The following CLVS2 variants were observed in gnomAD, a reference collection of about 807,000 sequenced individuals.
The protein encoded by CLVS2 is clavesin 2.
Under a neutral mutation model 29.0 loss-of-function variants are expected in CLVS2, and 19 were observed. The observed-to-expected ratio is 0.66, with a 90% CI of 0.46 to 0.96. The LOEUF (loss-of-function observed/expected upper bound fraction) is 0.96, where lower values mean the gene tolerates loss of function less well. Among genes scored for constraint, CLVS2 ranks in the 40% least tolerant of loss-of-function variants. The pLI, the probability that CLVS2 is intolerant of heterozygous loss-of-function variation, is 0.00. For missense variants in CLVS2, 294 were observed against 404.1 expected (o/e 0.73, Z 2.34); for synonymous variants, 161 against 151.3 (o/e 1.06, Z -0.47).
intron 3 of CLVS2, among the ~76,000 whole-genome samples, chr6:123,024,963 A>G (rs1774980600): frequency 6.6e-6 from 1 of 152,128 alleles, no homozygotes; most frequent in Admixed American, 6.6e-5. Context: ...AGCTATCCCA[A>G]TATACGCCTA....
intron 3 of CLVS2, among the ~76,000 whole-genome samples, chr6:123,041,451 A>T (rs1775233902): frequency 6.6e-6 from 1 of 152,126 alleles, no homozygotes; most frequent in South Asian, 2.1e-4. Flanking sequence ...CTTGGGCATT[A>T]TCTCTAATTA....
intron 4 of CLVS2, among the ~76,000 whole-genome samples, chr6:123,051,981 CAG>C (rs1346965567): frequency 6.6e-6 from 1 of 152,098 alleles, no homozygotes; most frequent in East Asian, 1.9e-4. Context: ...CTGCCTGGTC[CAG>C]AGATGCAATT....
chr6:123,051,019 A>G (rs966025491), intron 4 of CLVS2, among the ~76,000 whole-genome samples: 2 of 152,178 alleles, frequency 1.3e-5, no homozygotes, highest in African/African-American at 4.8e-5. Context: ...ATATGAGAAA[A>G]TAATTATATA....
In CLVS2 at chr6:123,071,969, A is replaced by G. The variant is rs1470234082; in HGVS notation, c.*8208A>G. The G allele has an allele frequency of 3.9e-5, 6 of 152,038 alleles. No homozygotes were observed. The highest frequency in any genetic ancestry group is 8.8e-5 in the Non-Finnish European group (6 of 67,952). The allele number at this position is 152,038 out of a possible 1,614,324, so 9.4% of individuals were successfully genotyped here. On this transcript the variant is annotated 3_prime_UTR_variant, in exon 6 of 6. Transcript: ENST00000275162. ...TTTCAGCTATCATTTTTAGAGCCTT[A>G]CAGTCACAATTGTTCTTAACTATCC...
At chr6:123,003,040 A>G (rs565054978) in intron 2 of CLVS2, among the ~76,000 whole-genome samples, 1 of 152,322 alleles carries the variant, frequency 6.6e-6, no homozygotes, top group Non-Finnish European at 1.5e-5. Flanking sequence ...ATATCATGGC[A>G]AATAGGGGAG....
intron 2 of CLVS2, among the ~76,000 whole-genome samples, chr6:122,999,668 A>C (rs11154135): frequency 0.13 from 19,104 of 152,184 alleles, 1,638 homozygotes; most frequent in Non-Finnish European, 0.19. Context: ...AGAACTGAAA[A>C]ATTTTATTCA....
At chr6:123,062,480 T>C (rs1772793091) in intron 5 of CLVS2, among the ~76,000 whole-genome samples, 1 of 152,000 alleles carries the variant, frequency 6.6e-6, no homozygotes, top group Non-Finnish European at 1.5e-5. Flanking sequence ...CTTTAGCAAG[T>C]CTTTTTTTTC....
intron 3 of CLVS2, among the ~76,000 whole-genome samples, chr6:123,047,979 G>A (rs1455148226): frequency 6.6e-6 from 1 of 152,148 alleles, no homozygotes; most frequent in African/African-American, 2.4e-5. Context: ...TCCTCCTGTG[G>A]AGTGAGATCA....
intron 3 of CLVS2, among the ~76,000 whole-genome samples, chr6:123,017,778 T>G (rs571887945): frequency 7.6e-4 from 116 of 152,250 alleles, no homozygotes; most frequent in African/African-American, 2.8e-3. Context: ...TCTGTACATA[T>G]GCCTATGTAT....
chr6:123,034,272 G>A (rs922973483), intron 3 of CLVS2, among the ~76,000 whole-genome samples: 1 of 152,068 alleles, frequency 6.6e-6, no homozygotes, highest in Non-Finnish European at 1.5e-5. Flanking sequence ...ATTTATAGTG[G>A]CTTCATTCAT....
At chr6:123,023,647 C>T (rs6908501) in intron 3 of CLVS2, among the ~76,000 whole-genome samples, 112,731 of 151,954 alleles carry the variant, frequency 0.74, 42,305 homozygotes, top group East Asian at 0.92. Context: ...AGGAAAATCA[C>T]ATTTTGATTA....
At chr6:122,999,211 C>A (rs935473702) in intron 2 of CLVS2, among the ~76,000 whole-genome samples, 3 of 152,190 alleles carry the variant, frequency 2.0e-5, no homozygotes, top group South Asian at 2.1e-4. Flanking sequence ...TAGTTTAAAT[C>A]ATCTCTGGAG....
chr6:123,004,785 C>T (rs886113076), intron 2 of CLVS2, among the ~76,000 whole-genome samples: 1 of 151,960 alleles, frequency 6.6e-6, no homozygotes, highest in Non-Finnish European at 1.5e-5. Context: ...TGGTGGCGGG[C>T]GCCTGTAATC....
At chr6:123,063,087 A>G (rs1373855573) in intron 5 of CLVS2, among the ~76,000 whole-genome samples, 1 of 152,240 alleles carries the variant, frequency 6.6e-6, no homozygotes, top group Non-Finnish European at 1.5e-5. Context: ...TAACTGTTCC[A>G]TGAAATTCTC....
chr6:123,066,645 G>A lies in CLVS2; in HGVS notation c.*2884G>A, dbSNP rs1278161707. 1 of 151,714 alleles carries A rather than the reference G, an allele frequency of 6.6e-6. No individual in the cohort carries two copies. The highest frequency in any genetic ancestry group is 1.5e-5 in the Non-Finnish European group (1 of 67,768). 9.4% of individuals were successfully genotyped at this position (151,714 alleles called of 1,614,324 possible). On this transcript the variant is annotated 3_prime_UTR_variant, in exon 6 of 6. Coordinates refer to ENST00000275162, the MANE Select transcript of CLVS2 (RefSeq NM_001010852.4). ...ATAAATAACTTCTCTTATGTTGTCAGTGATGTTTGCCTGCATTTTTGACTA... is the reference window on the plus strand; with the variant it reads ...ATAAATAACTTCTCTTATGTTGTCAATGATGTTTGCCTGCATTTTTGACTA...
At position 123,069,115 on chromosome 6, in the gene CLVS2, G is replaced by A. The variant is rs1036098437; in HGVS notation, c.*5354G>A. 5.9e-5 allele frequency: 9 copies of A among 151,708 alleles called. No homozygotes were observed. In the East Asian group the frequency reaches 7.8e-4, roughly 13 times the overall value. 9.4% of individuals were successfully genotyped at this position (151,708 alleles called of 1,614,324 possible). On this transcript the variant is annotated 3_prime_UTR_variant, in exon 6 of 6. Coordinates refer to ENST00000275162, the MANE Select transcript of CLVS2 (RefSeq NM_001010852.4). ...TAGTAATTTGTTTCATCAAAATGAC[G>A]TATTCAATATTCTATAACTTCTAGT...
At chr6:123,039,661 T>C (rs536055574) in intron 3 of CLVS2, among the ~76,000 whole-genome samples, 67 of 152,310 alleles carry the variant, frequency 4.4e-4, no homozygotes, top group South Asian at 8.3e-4. Context: ...TGTGTGGCTA[T>C]GACTTGCTTC....
intron 3 of CLVS2, among the ~76,000 whole-genome samples, chr6:123,037,248 C>A (rs1775168176): frequency 6.6e-6 from 1 of 152,052 alleles, no homozygotes; most frequent in African/African-American, 2.4e-5. Flanking sequence ...TAAACTGTGG[C>A]AAACTGCTTT....
chr6:123,018,668 C>CTTT (rs5879660), intron 3 of CLVS2, among the ~76,000 whole-genome samples: 3 of 138,360 alleles, frequency 2.2e-5, no homozygotes, highest in Admixed American at 7.2e-5. Flanking sequence ...TTCTGAATAG[C>CTTT]TTTTTTTTTT....
Sources: gnomAD v4.1 joint callset for allele counts (sites outside exome capture counted in the v4.1 genomes callset) on GRCh38, gnomAD v4.1.1 for gene constraint, MANE v1.5 for transcripts, NCBI Gene and HGNC (gene_info 2026-07-23, HGNC 2026-07-21) for gene names.